Variants in STON2 observed in about 807,000 individuals in gnomAD.
STON2 encodes stonin-2.
A neutral mutation model predicts 65.7 loss-of-function variants in STON2; 29 were observed. The ratio of observed to expected loss-of-function variants is 0.44; its 90% CI spans 0.33 to 0.60. The LOEUF (loss-of-function observed/expected upper bound fraction) is 0.60. Ranked by LOEUF, STON2 falls within the 20% of genes least tolerant of loss-of-function variation. The pLI is 0.03. For synonymous variants in STON2, 404 were observed against 414.2 expected (o/e 0.98, Z 0.30); for missense variants, 1,054 against 1,118.1 (o/e 0.94, Z 0.82).
intron 4 of STON2, among the ~76,000 whole-genome samples, chr14:81,365,934 T>C (rs1898703231): frequency 6.6e-6 from 1 of 152,228 alleles, no homozygotes; most frequent in Non-Finnish European, 1.5e-5. Flanking sequence ...GTGAACCTAG[T>C]GGCATTACAG....
intron 2 of STON2, among the ~76,000 whole-genome samples, chr14:81,406,850 C>A (rs1362922900): frequency 6.6e-6 from 1 of 152,172 alleles, no homozygotes; most frequent in East Asian, 1.9e-4. Context: ...TCTGGGTACA[C>A]CCAGACATAC....
intron 4 of STON2, among the ~76,000 whole-genome samples, chr14:81,358,363 T>C (rs377442226): frequency 3.9e-5 from 6 of 152,250 alleles, no homozygotes; most frequent in East Asian, 3.9e-4. Context: ...TAAGATGTTC[T>C]ACGTAAGCCT....
chr14:81,414,378 C>G (rs1001359056), intron 2 of STON2, among the ~76,000 whole-genome samples: 9 of 152,138 alleles, frequency 5.9e-5, no homozygotes, highest in African/African-American at 2.2e-4. Context: ...GGCCAGTGCT[C>G]TCACACGCCA....
intron 4 of STON2, among the ~76,000 whole-genome samples, chr14:81,365,663 G>A (rs1387353447): frequency 1.3e-5 from 2 of 152,124 alleles, no homozygotes; most frequent in South Asian, 2.1e-4. Context: ...GGCTGAGATG[G>A]GAGGATCACT....
At chr14:81,428,068 G>A (rs553452464) in intron 1 of STON2, among the ~76,000 whole-genome samples, 69 of 152,272 alleles carry the variant, frequency 4.5e-4, no homozygotes, top group African/African-American at 1.5e-3. Flanking sequence ...ACCTTACAGC[G>A]TTGAGGTGCA....
At chr14:81,292,423 T>C (rs989425518) in intron 5 of STON2, among the ~76,000 whole-genome samples, 1 of 151,502 alleles carries the variant, frequency 6.6e-6, no homozygotes, top group Non-Finnish European at 1.5e-5. Context: ...TGACTTATGG[T>C]TCCCATAATC....
chr14:81,417,884 A>G (rs1460188576), intron 2 of STON2, among the ~76,000 whole-genome samples: 3 of 152,144 alleles, frequency 2.0e-5, no homozygotes, highest in Admixed American at 1.3e-4. Flanking sequence ...AGAGAGATAG[A>G]AAAACCAGAG....
At chr14:81,418,790 AT>A (rs1901565011) in intron 2 of STON2, among the ~76,000 whole-genome samples, 1 of 152,202 alleles carries the variant, frequency 6.6e-6, no homozygotes, top group Admixed American at 6.5e-5. Flanking sequence ...ATATAAAGTT[AT>A]TTGCAAAGAC....
chr14:81,268,052 C>T lies in STON2; in HGVS notation c.*362G>A. The T allele has an allele frequency of 1.0e-6, 1 of 992,394 alleles. No homozygotes were observed. The highest frequency in any genetic ancestry group is 1.2e-6 in the Non-Finnish European group (1 of 834,418). The allele number at this position is 992,394 out of a possible 1,614,324, so 61.5% of individuals were successfully genotyped here. ...GAACATCAGAAGGCAATCGTGCTAA[C>T]ACTGATGTGGGAGGTTCTTTTCCTG... On this transcript the variant is annotated 3_prime_UTR_variant, in exon 8 of 8. Coordinates refer to ENST00000614646, the MANE Select transcript of STON2 (RefSeq NM_001394390.1).
At chr14:81,359,762 G>C (rs1482442562) in intron 4 of STON2, among the ~76,000 whole-genome samples, 1 of 152,176 alleles carries the variant, frequency 6.6e-6, no homozygotes, top group Non-Finnish European at 1.5e-5. Flanking sequence ...GGATAACCTG[G>C]AAGAAACGGA....
At chr14:81,392,212 G>A (rs534486805) in intron 3 of STON2, among the ~76,000 whole-genome samples, 15 of 152,288 alleles carry the variant, frequency 9.8e-5, no homozygotes, top group African/African-American at 3.4e-4. Context: ...GACAGCCAGA[G>A]GGGAGGGGGT....
chr14:81,270,305 G>A lies in STON2; in HGVS notation c.2784+365C>T, dbSNP rs528554364. The stretch of plus-strand genomic sequence containing the variant: ...TCGCCATGTTGGCCAGGCTGGTCTT[G>A]AACTCCTGAACTCAAGTAATCAGCC... On this transcript the variant is annotated intron_variant, in intron 7 of 7. Transcript: ENST00000614646. 5 of 998,486 alleles carry A rather than the reference G, an allele frequency of 5.0e-6. No individual in the cohort carries two copies. The South Asian group carries it at 1.8e-4, about 36-fold the overall frequency. 61.9% of individuals were successfully genotyped at this position (998,486 alleles called of 1,614,324 possible). A position where few individuals can be genotyped will look rare whatever the true frequency, so the allele number is the denominator to read the frequency against.
chr14:81,390,312 G>T (rs747874842), intron 3 of STON2, among the ~76,000 whole-genome samples: 2 of 152,210 alleles, frequency 1.3e-5, no homozygotes, highest in East Asian at 3.8e-4. Flanking sequence ...AGAGGATCCA[G>T]GAAGAAGCCC....
chr14:81,431,644 G>A (rs1304218204), intron 1 of STON2, among the ~76,000 whole-genome samples: 1 of 152,108 alleles, frequency 6.6e-6, no homozygotes, highest in African/African-American at 2.4e-5. Flanking sequence ...CAGGCATAGT[G>A]GCGCATTCCT....
intron 1 of STON2, among the ~76,000 whole-genome samples, chr14:81,435,892 C>T (rs964729513): frequency 2.6e-5 from 4 of 152,176 alleles, no homozygotes; most frequent in Admixed American, 2.6e-4. Flanking sequence ...ACCCCGAAGG[C>T]GGGGCGCGGC....
chr14:81,273,868 A>G lies in STON2; in HGVS notation c.2582-2996T>C, dbSNP rs183318173. Among the ~76,000 whole-genome samples the G allele has an allele frequency of 4.1e-3, 632 of 152,350 alleles. 5 individuals carry two copies. Among genetic ancestry groups the G allele is most frequent in the Middle Eastern group, 0.014 (4 of 294 alleles). ...TGTGAGGAGAAGTAGGCTTCCAGTCAGCGGGGCCTTTGACCTCAGCTGAGC... is the reference window on the plus strand; with the variant it reads ...TGTGAGGAGAAGTAGGCTTCCAGTCGGCGGGGCCTTTGACCTCAGCTGAGC... On this transcript the variant is annotated intron_variant, in intron 6 of 7. Coordinates refer to ENST00000614646, the MANE Select transcript of STON2 (RefSeq NM_001394390.1).
At chr14:81,405,828 T>G (rs1241084699) in intron 2 of STON2, among the ~76,000 whole-genome samples, 1 of 152,136 alleles carries the variant, frequency 6.6e-6, no homozygotes, top group Non-Finnish European at 1.5e-5. Flanking sequence ...TGTTCCCAGG[T>G]ATGTCTTTAA....
At chr14:81,274,663 C>T (rs1595273923) in intron 6 of STON2, among the ~76,000 whole-genome samples, 1 of 151,990 alleles carries the variant, frequency 6.6e-6, no homozygotes, top group East Asian at 1.9e-4. Flanking sequence ...GGGCCAGGTG[C>T]GGTGCCTCAG....
Position 81,264,659 on chromosome 14 carries a change from A to T in STON2, c.*3755T>A, listed in dbSNP as rs1256582569. ...TAGAAATCAGTCTCATTTCAAATAA[A>T]AAATATTTTAAATCAAACAATGTTC... On this transcript the variant is annotated 3_prime_UTR_variant, in exon 8 of 8. Transcript: ENST00000614646. The T allele has an allele frequency of 2.0e-6, 2 of 984,914 alleles. No homozygotes were observed. The highest frequency in any genetic ancestry group is 3.5e-5 in the African/African-American group (2 of 57,246). The allele number at this position is 984,914 out of a possible 1,614,324, so 61.0% of individuals were successfully genotyped here.
Sources: gnomAD v4.1 joint callset for allele counts (sites outside exome capture counted in the v4.1 genomes callset) on GRCh38, gnomAD v4.1.1 for gene constraint, MANE v1.5 for transcripts, NCBI Gene and HGNC (gene_info 2026-07-23, HGNC 2026-07-21) for gene names.